Variants in MFSD2A observed in about 807,000 individuals in gnomAD.
MFSD2A encodes MFSD2 lysolipid transporter A, lysophospholipid.
MFSD2A carries 27 observed loss-of-function variants against 64.7 expected under a neutral mutation model. The ratio of observed to expected loss-of-function variants is 0.42; its 90% CI spans 0.31 to 0.58. The LOEUF is 0.58. Ranked by LOEUF, MFSD2A falls within the 20% of genes least tolerant of loss-of-function variation. The pLI, the probability that MFSD2A is intolerant of heterozygous loss-of-function variation, is 0.18. For missense variants in MFSD2A, 474 were observed against 679.5 expected (o/e 0.70, Z 3.36); for synonymous variants, 258 against 273.4 (o/e 0.94, Z 0.55).
chr1:39,967,225 G>C lies in MFSD2A; in HGVS notation c.1011+56G>C, dbSNP rs116255627. 11 of 1,491,890 alleles carry C rather than the reference G, an allele frequency of 7.4e-6. No individual in the cohort carries two copies. The East Asian group carries it at 2.5e-4, about 34-fold the overall frequency. 92.4% of individuals were successfully genotyped at this position (1,491,890 alleles called of 1,614,324 possible). A position where few individuals can be genotyped will look rare whatever the true frequency, so the allele number is the denominator to read the frequency against. On this transcript the variant is annotated intron_variant, in intron 9 of 13. Transcript: ENST00000372811. ...CTGGGCTGAGGTGACATAGGCTGTGGAATGGTTCTTGGAATAGGCAGAGGA... is the reference window on the plus strand; with the variant it reads ...CTGGGCTGAGGTGACATAGGCTGTGCAATGGTTCTTGGAATAGGCAGAGGA...
Position 39,959,026 on chromosome 1 carries a change from A to T in MFSD2A, c.353+201A>T, listed in dbSNP as rs1644982016. On this transcript the variant is annotated intron_variant, in intron 3 of 13. Coordinates refer to ENST00000372811, the MANE Select transcript of MFSD2A (RefSeq NM_032793.5). ...CATGCTCAGCCAGTTCATTTCCAGG[A>T]CAGCCAAAGTGCTAGGCTGGGCAGC... Among the ~76,000 whole-genome samples, 1 of 152,054 alleles carries T rather than the reference A, an allele frequency of 6.6e-6. No homozygotes were observed. Among genetic ancestry groups the T allele is most frequent in the Non-Finnish European group, 1.5e-5 (1 of 68,006 alleles).
rs375527489 is a variant in MFSD2A, at chr1:39,968,288, G to T, written c.1209-46G>T. 8.1e-6 allele frequency: 13 copies of T among 1,613,144 alleles called. No homozygotes were observed. The South Asian group carries it at 1.3e-4, about 16-fold the overall frequency. ...GCCACCTCTTCTCATTAACACAGAG[G>T]CCCGTTAGGTGGGTCAGTCCTCATG... On this transcript the variant is annotated intron_variant, in intron 11 of 13. Transcript: ENST00000372811. The surrounding 1 kb of genome is among the most constrained non-coding windows in gnomAD (Gnocchi z 4.4).
chr1:39,958,564 G>A lies in MFSD2A; in HGVS notation c.229-137G>A. Reference sequence around the variant, plus strand: ...TTATTAACAAGGCAAGTGAAGATGTGTAAGGTCCATGTGGGAGCAGCTCAG... The same window carrying A: ...TTATTAACAAGGCAAGTGAAGATGTATAAGGTCCATGTGGGAGCAGCTCAG... On this transcript the variant is annotated intron_variant, in intron 2 of 13. Coordinates refer to ENST00000372811, the MANE Select transcript of MFSD2A (RefSeq NM_032793.5). This position sits in a 1 kb window ranked among gnomAD's most constrained non-coding sequence, Gnocchi z 4.7. The A allele has an allele frequency of 1.5e-6, 2 of 1,326,378 alleles. No homozygotes were observed. The highest frequency in any genetic ancestry group is 1.2e-5 in the South Asian group (1 of 81,562). The allele number at this position is 1,326,378 out of a possible 1,614,324, so 82.2% of individuals were successfully genotyped here.
In MFSD2A at chr1:39,968,375, A is replaced by G. The variant is rs1332237106; in HGVS notation, c.1250A>G (p.Gln417Arg). ...PDVIDDFHLK[Q>R]PHFHGTEPIF... The stretch of plus-strand genomic sequence containing the variant: ...GTCATTGACGACTTCCATCTGAAGC[A>G]GCCCCACTTCCATGGAACCGAGCCC... The change falls in exon 12 of 14, where the codon CAG (glutamine) becomes CGG (arginine). Residue 417 changes from glutamine to arginine, a missense_variant. By Grantham distance (43) the Gln-to-Arg change is conservative. Coordinates refer to ENST00000372811, the MANE Select transcript of MFSD2A (RefSeq NM_032793.5). This position sits in a 1 kb window ranked among gnomAD's most constrained non-coding sequence, Gnocchi z 4.4. 6 of 1,614,178 alleles carry G rather than the reference A, an allele frequency of 3.7e-6. No homozygotes were observed. Among genetic ancestry groups the G allele is most frequent in the East Asian group, 2.2e-5 (1 of 44,878 alleles).
intron 7 of MFSD2A, 44 bp downstream of exon 7, chr1:39,966,735 G>T: frequency 6.2e-7 from 1 of 1,613,312 alleles, no homozygotes; most frequent in South Asian, 1.1e-5. Context: ...AGCATGGACA[G>T]CTGTATCTTT....
At position 39,965,215 on chromosome 1, in the gene MFSD2A, ATCT is replaced by A; in HGVS notation, c.362_364del (p.Phe121del). 1.2e-6 allele frequency: 2 copies of A among 1,614,010 alleles called. No individual in the cohort carries two copies. Among genetic ancestry groups the A allele is most frequent in the Non-Finnish European group, 8.5e-7 (1 of 1,180,004 alleles). On this transcript the variant is annotated inframe_deletion, in exon 4 of 14. Transcript: ENST00000372811. This position sits in a 1 kb window ranked among gnomAD's most constrained non-coding sequence, Gnocchi z 5.5. ...TCACACCCTCCTCTTCCTCAGGATC[ATCT>A]TCTCCACGCCCCTGGCCGTCATTGC...
chr1:39,965,799 C>T lies in MFSD2A; in HGVS notation c.557-58C>T. On this transcript the variant is annotated intron_variant, in intron 5 of 13. Coordinates refer to ENST00000372811, the MANE Select transcript of MFSD2A (RefSeq NM_032793.5). This position sits in a 1 kb window ranked among gnomAD's most constrained non-coding sequence, Gnocchi z 5.5. Reference sequence around the variant, plus strand: ...GCTGGGCTCCCACCCATTTGACCTTCCTCCCTGGGCCCACAATCCATGAGG... The same window carrying T: ...GCTGGGCTCCCACCCATTTGACCTTTCTCCCTGGGCCCACAATCCATGAGG... The T allele has an allele frequency of 6.2e-7, 1 of 1,601,332 alleles. No individual in the cohort carries two copies. The highest frequency in any genetic ancestry group is 8.5e-7 in the Non-Finnish European group (1 of 1,172,268).
At position 39,965,040 on chromosome 1, in the gene MFSD2A, C is replaced by A; in HGVS notation, c.354-171C>A. On this transcript the variant is annotated intron_variant, in intron 3 of 13. Transcript: ENST00000372811. The surrounding 1 kb of genome is among the most constrained non-coding windows in gnomAD (Gnocchi z 5.5). ...TCCCATCTGCCATTCCGGGCTTGGT[C>A]ATCAGCCTCTTCCCAGAGGCCCAGG... is the stretch of plus-strand genomic sequence containing the variant. 1 of 854,952 alleles carries A rather than the reference C, an allele frequency of 1.2e-6. No homozygotes were observed. Among genetic ancestry groups the A allele is most frequent in the Non-Finnish European group, 1.8e-6 (1 of 567,570 alleles). The allele number at this position is 854,952 out of a possible 1,614,324, so 53.0% of individuals were successfully genotyped here.
rs1052096519 is a variant in MFSD2A, at chr1:39,963,668, G to A, written c.354-1543G>A. On this transcript the variant is annotated intron_variant, in intron 3 of 13. Coordinates refer to ENST00000372811, the MANE Select transcript of MFSD2A (RefSeq NM_032793.5). This position sits in a 1 kb window ranked among gnomAD's most constrained non-coding sequence, Gnocchi z 4.2. ...GGTACAGTAGGGATACAAACCTGTCGGTTCTCTAATATTTCTTTTTTGGGC... is the reference window on the plus strand; with the variant it reads ...GGTACAGTAGGGATACAAACCTGTCAGTTCTCTAATATTTCTTTTTTGGGC... 4.6e-5 allele frequency among the ~76,000 whole-genome samples: 7 copies of A among 152,180 alleles called. No individual in the cohort carries two copies. The highest frequency in any genetic ancestry group is 1.2e-4 in the African/African-American group (5 of 41,504).
rs113442582 is a variant in MFSD2A, at chr1:39,967,866, G to A, written c.1158G>A (p.Ala386=). ...LMESNLIITY[A]VAVAAGISVA... is the part of the protein sequence containing the mutation. ...AGAGTAACCTCATCATTACATATGC[G>A]GTAGCTGTGGCAGCTGGCATCAGTG... Residue 386 remains alanine, a synonymous_variant, in exon 11 of 14, where the codon GCG becomes GCA. Transcript: ENST00000372811. The A allele has an allele frequency of 2.4e-5, 38 of 1,613,830 alleles. No homozygotes were observed. The East Asian group carries it at 4.9e-4, about 21-fold the overall frequency.
In MFSD2A at chr1:39,957,179, C is replaced by T. The variant is rs200804642; in HGVS notation, c.186C>T (p.Ala62=). 1.2e-6 allele frequency: 2 copies of T among 1,611,486 alleles called. No individual in the cohort carries two copies. The highest frequency in any genetic ancestry group is 8.5e-7 in the Non-Finnish European group (1 of 1,178,708). ...GGAPYQVTGC[A]LGFFLQIYLL... ...CCCCCTACCAGGTGACGGGCTGTGC[C>T]CTGGGTTTCTTCCTTCAGATCTACC... is the stretch of plus-strand genomic sequence containing the variant. The change falls in exon 2 of 14, where the codon GCC becomes GCT. Residue 62 remains alanine, a synonymous_variant. Transcript: ENST00000372811.
intron 3 of MFSD2A, among the ~76,000 whole-genome samples, chr1:39,959,388 C>T (rs1295552483): frequency 6.6e-6 from 1 of 151,992 alleles, no homozygotes; most frequent in Non-Finnish European, 1.5e-5. Context: ...GCTGCGACTA[C>T]AGGCACGTGC....
rs1645092640 is a variant in MFSD2A, at chr1:39,963,648, A to G, written c.354-1563A>G. ...GTTTTTTTGTTTTTGTTTTTGGTAC[A>G]GTAGGGATACAAACCTGTCGGTTCT... On this transcript the variant is annotated intron_variant, in intron 3 of 13. Transcript: ENST00000372811. The surrounding 1 kb of genome is among the most constrained non-coding windows in gnomAD (Gnocchi z 4.2). Among the ~76,000 whole-genome samples the G allele has an allele frequency of 6.6e-6, 1 of 152,206 alleles. No homozygotes were observed. The highest frequency in any genetic ancestry group is 1.5e-5 in the Non-Finnish European group (1 of 68,036).
In MFSD2A at chr1:39,969,782, C is replaced by T; in HGVS notation, c.*214C>T. 1 of 572,914 alleles carries T rather than the reference C, an allele frequency of 1.7e-6. No homozygotes were observed. The highest frequency in any genetic ancestry group is 3.1e-6 in the Non-Finnish European group (1 of 324,126). 35.5% of individuals were successfully genotyped at this position (572,914 alleles called of 1,614,324 possible). Reference sequence around the variant, plus strand: ...CTGCCTGTGGGGCCAAGCCCTGGGGCTGCCACTGTGAATATGCCAAGGACT... The same window carrying T: ...CTGCCTGTGGGGCCAAGCCCTGGGGTTGCCACTGTGAATATGCCAAGGACT... On this transcript the variant is annotated 3_prime_UTR_variant, in exon 14 of 14. Transcript: ENST00000372811.
chr1:39,962,533 C>T (rs868246549), intron 3 of MFSD2A: 14 of 583,584 alleles, frequency 2.4e-5, no homozygotes, highest in Admixed American at 9.5e-5. Context: ...GCTTCTTCTC[C>T]GAGAAAACAC....
rs754966395 is a variant in MFSD2A, at chr1:39,966,680, G to A, written c.794G>A (p.Arg265Gln). 1.1e-5 allele frequency: 17 copies of A among 1,613,846 alleles called. No homozygotes were observed. The highest frequency in any genetic ancestry group is 3.3e-5 in the Admixed American group (2 of 59,958). The change falls in exon 7 of 14, where the codon CGG (arginine) becomes CAG (glutamine). Residue 265 changes from arginine to glutamine, a missense_variant. Coordinates refer to ENST00000372811, the MANE Select transcript of MFSD2A (RefSeq NM_032793.5). ...ICAVILILGV[R>Q]EQREPYEAQQ... ...GCTGTCATCCTGATCCTGGGCGTGC[G>A]GGAGCAGAGAGGTAAGGGGGTGCCT...
chr1:39,956,743 C>T lies in MFSD2A; in HGVS notation c.94-344C>T, dbSNP rs200919767. Among the ~76,000 whole-genome samples, 3 of 151,594 alleles carry T rather than the reference C, an allele frequency of 2.0e-5. No homozygotes were observed. In the East Asian group the frequency reaches 5.8e-4, roughly 29 times the overall value. ...CATGCTGGCTAACATGGTGAAACCC[C>T]GTCTCTACTTAAAATACAAAAAATT... is the stretch of plus-strand genomic sequence containing the variant. On this transcript the variant is annotated intron_variant, in intron 1 of 13. Transcript: ENST00000372811.
Position 39,969,570 on chromosome 1 carries a change from G to A in MFSD2A, c.*2G>A. 1 of 1,608,942 alleles carries A rather than the reference G, an allele frequency of 6.2e-7. No homozygotes were observed. Among genetic ancestry groups the A allele is most frequent in the East Asian group, 2.3e-5 (1 of 44,292 alleles). Reference sequence around the variant, plus strand: ...ACAGAGCTGGCTAGCATCCTCTAGGGCCCGCCACGTTGCCCGAAGCCACCA... The same window carrying A: ...ACAGAGCTGGCTAGCATCCTCTAGGACCCGCCACGTTGCCCGAAGCCACCA... On this transcript the variant is annotated 3_prime_UTR_variant, in exon 14 of 14. Transcript: ENST00000372811.
intron 9 of MFSD2A, 141 bp from the exon 10 acceptor site, chr1:39,967,487 C>G (rs1243260272): frequency 1.3e-6 from 1 of 781,588 alleles, no homozygotes; most frequent in East Asian, 2.5e-5. Flanking sequence ...TCAAAGGTGC[C>G]TGTCATCTTC....
Sources: gnomAD v4.1 joint callset for allele counts (sites outside exome capture counted in the v4.1 genomes callset) on GRCh38, gnomAD v4.1.1 for gene constraint, Gnocchi (gnomAD v3.1) non-coding constraint, MANE v1.5 for transcripts, NCBI Gene and HGNC (gene_info 2026-07-23, HGNC 2026-07-21) for gene names.